The following CSMD1 variants were observed in gnomAD, a reference collection of about 807,000 sequenced individuals.
CSMD1 encodes the protein CUB and sushi domain-containing protein 1.
Under a neutral mutation model 417.5 loss-of-function variants are expected in CSMD1, and 213 were observed. That is an observed-to-expected ratio of 0.51 (90% CI 0.46 to 0.57). The LOEUF (loss-of-function observed/expected upper bound fraction) is 0.57, where lower values mean the gene tolerates loss of function less well. Ranked by LOEUF, CSMD1 falls within the 20% of genes least tolerant of loss-of-function variation. CSMD1 has a pLI of 0.00. For missense variants in CSMD1, 6,923 were observed against 4,529.7 expected (o/e 1.53, Z -15.17); for synonymous variants, 2,862 against 1,736.8 (o/e 1.65, Z -16.11).
chr8:4,027,250 G>A lies in CSMD1; in HGVS notation c.610+4655C>T, dbSNP rs1296941522. Among the ~76,000 whole-genome samples, 8 of 152,180 alleles carry A rather than the reference G, an allele frequency of 5.3e-5. No homozygotes were observed. The East Asian group carries it at 5.8e-4, about 11-fold the overall frequency. On this transcript the variant is annotated intron_variant, in intron 4 of 69. Transcript: ENST00000635120. Reference sequence around the variant, plus strand: ...ATTGAGTCACCAAAGTAGTTTGGCTGATAAAAGAAATGTTAGGATGAAGAT... The same window carrying A: ...ATTGAGTCACCAAAGTAGTTTGGCTAATAAAAGAAATGTTAGGATGAAGAT...
At chr8:3,059,736 G>A (rs1313177249) in intron 49 of CSMD1, among the ~76,000 whole-genome samples, 1 of 152,180 alleles carries the variant, frequency 6.6e-6, no homozygotes, top group African/African-American at 2.4e-5. Context: ...TGGACTGGGG[G>A]AGGGGAAAGA....
At chr8:3,620,427 C>T (rs962783501) in intron 7 of CSMD1, among the ~76,000 whole-genome samples, 3 of 152,030 alleles carry the variant, frequency 2.0e-5, no homozygotes, top group Non-Finnish European at 4.4e-5. Context: ...ATGTTCATTT[C>T]CTACAGTATT....
chr8:4,284,720 C>A (rs1002456078), intron 3 of CSMD1, among the ~76,000 whole-genome samples: 22 of 152,162 alleles, frequency 1.4e-4, no homozygotes, highest in Non-Finnish European at 2.5e-4. Context: ...CTACGACTCC[C>A]AGGAGGGTAA....
At chr8:4,066,755 C>G (rs1799271111) in intron 3 of CSMD1, among the ~76,000 whole-genome samples, 1 of 152,104 alleles carries the variant, frequency 6.6e-6, no homozygotes, top group African/African-American at 2.4e-5. Flanking sequence ...ATCCAAACCA[C>G]AAGCAAATAC....
At chr8:3,613,836 C>G (rs1322045315) in intron 8 of CSMD1, among the ~76,000 whole-genome samples, 4 of 151,920 alleles carry the variant, frequency 2.6e-5, no homozygotes, top group African/African-American at 9.7e-5. Context: ...AAAGCCAGAA[C>G]ACTTTCCACC....
intron 7 of CSMD1, among the ~76,000 whole-genome samples, chr8:3,677,467 GCA>G (rs1563263364): frequency 6.6e-6 from 1 of 152,198 alleles, no homozygotes; most frequent in African/African-American, 2.4e-5. Context: ...CTGGGTGAAT[GCA>G]CAGATCTGAG....
chr8:4,234,446 C>T (rs1040447945), intron 3 of CSMD1, among the ~76,000 whole-genome samples: 1 of 152,094 alleles, frequency 6.6e-6, no homozygotes, highest in South Asian at 2.1e-4. Flanking sequence ...GCTACCAAGA[C>T]GTCCATTTCT....
chr8:4,949,271 T>C (rs1176877811), intron 1 of CSMD1, among the ~76,000 whole-genome samples: 1 of 151,758 alleles, frequency 6.6e-6, no homozygotes, highest in Non-Finnish European at 1.5e-5. Context: ...TGGCCTGGGA[T>C]TGTCCTTTTC....
chr8:4,296,566 G>A (rs569120571), intron 3 of CSMD1, among the ~76,000 whole-genome samples: 23 of 152,012 alleles, frequency 1.5e-4, no homozygotes, highest in Admixed American at 2.6e-4. Context: ...GAGGATGGAT[G>A]TATTTCTACA....
chr8:3,843,656 G>A (rs1031994037), intron 5 of CSMD1, among the ~76,000 whole-genome samples: 1 of 152,154 alleles, frequency 6.6e-6, no homozygotes, highest in Non-Finnish European at 1.5e-5. Context: ...TTTTCAAAGA[G>A]ACAGGCCACG....
At chr8:3,194,018 T>G (rs77828060) in intron 33 of CSMD1, among the ~76,000 whole-genome samples, 1 of 152,240 alleles carries the variant, frequency 6.6e-6, no homozygotes, top group Non-Finnish European at 1.5e-5. Flanking sequence ...TTTGATGTAG[T>G]GACTGAGGGA....
At chr8:4,652,888 A>C (rs1323979185) in intron 1 of CSMD1, among the ~76,000 whole-genome samples, 2 of 152,028 alleles carry the variant, frequency 1.3e-5, no homozygotes, top group Non-Finnish European at 2.9e-5. Flanking sequence ...TCCTGTAAGA[A>C]TCTAACGCCG....
chr8:3,125,783 C>G (rs183152170), intron 41 of CSMD1, among the ~76,000 whole-genome samples: 98 of 152,278 alleles, frequency 6.4e-4, no homozygotes, highest in African/African-American at 2.3e-3. Context: ...TTGAAACCAG[C>G]CTGGCCAACA....
chr8:3,107,979 G>C (rs569486284), intron 44 of CSMD1, among the ~76,000 whole-genome samples, 181 bp from the exon 45 acceptor site: 1 of 152,026 alleles, frequency 6.6e-6, no homozygotes, highest in Non-Finnish European at 1.5e-5. Flanking sequence ...TTATTATTTA[G>C]TGCCAAAAAA....
intron 5 of CSMD1, chr8:3,950,009 G>C (rs1306916902): frequency 2.2e-6 from 1 of 455,918 alleles, no homozygotes; most frequent in South Asian, 1.5e-5. Context: ...ACATTTGCCA[G>C]GGTCCACGGC....
intron 25 of CSMD1, among the ~76,000 whole-genome samples, chr8:3,288,659 T>G (rs1285427571): frequency 2.0e-5 from 3 of 147,178 alleles, no homozygotes; most frequent in Non-Finnish European, 4.4e-5. Flanking sequence ...CTTTTATCAT[T>G]TTTTATTGTG....
At chr8:4,011,400 C>A (rs1816523052) in intron 4 of CSMD1, among the ~76,000 whole-genome samples, 1 of 152,164 alleles carries the variant, frequency 6.6e-6, no homozygotes, top group Admixed American at 6.5e-5. Flanking sequence ...CCACATTCCC[C>A]TCTAGCCTTA....
At chr8:3,245,854 G>C (rs1799848336) in intron 26 of CSMD1, among the ~76,000 whole-genome samples, 1 of 152,106 alleles carries the variant, frequency 6.6e-6, no homozygotes, top group African/African-American at 2.4e-5. Context: ...TTATCTGCTT[G>C]ATAATGAAAG....
chr8:4,702,593 C>T (rs1807647166), intron 1 of CSMD1, among the ~76,000 whole-genome samples: 1 of 152,228 alleles, frequency 6.6e-6, no homozygotes, highest in South Asian at 2.1e-4. Context: ...AACACACTGC[C>T]CTTTACAAAA....
Sources: allele counts gnomAD v4.1 joint callset (sites outside exome capture counted in the v4.1 genomes callset), GRCh38; gene constraint gnomAD v4.1.1; transcripts MANE v1.5; gene names NCBI Gene and HGNC (gene_info 2026-07-23, HGNC 2026-07-21).